The following FBXL17 variants were observed in gnomAD, a reference collection of about 807,000 sequenced individuals.
The protein encoded by FBXL17 is F-box and leucine rich repeat protein 17.
FBXL17 carries 22 observed loss-of-function variants against 66.2 expected under a neutral mutation model. The ratio of observed to expected loss-of-function variants is 0.33; its 90% CI spans 0.24 to 0.47. The LOEUF (loss-of-function observed/expected upper bound fraction) is 0.47. Ranked by LOEUF, FBXL17 falls within the 20% of genes least tolerant of loss-of-function variation. The probability of loss-of-function intolerance (pLI) is 1.00; values close to 1 mark genes in which losing one functional copy is unlikely to be tolerated. For synonymous variants in FBXL17, 474 were observed against 400.5 expected (o/e 1.18, Z -2.19); for missense variants, 878 against 948.2 (o/e 0.93, Z 0.97).
chr5:108,359,345 G>A (rs995857538), intron 3 of FBXL17, among the ~76,000 whole-genome samples: 11 of 151,870 alleles, frequency 7.2e-5, no homozygotes, highest in South Asian at 2.1e-4. Flanking sequence ...TTCCCTCCAC[G>A]AACTTTGGGT....
intron 4 of FBXL17, among the ~76,000 whole-genome samples, chr5:108,241,178 G>C (rs1390756031): frequency 6.6e-6 from 1 of 152,212 alleles, no homozygotes; most frequent in African/African-American, 2.4e-5. Flanking sequence ...ATCAATCCTT[G>C]TGAGACAGAG....
intron 3 of FBXL17, among the ~76,000 whole-genome samples, chr5:108,353,415 G>A (rs1323801106): frequency 6.6e-6 from 1 of 152,108 alleles, no homozygotes; most frequent in African/African-American, 2.4e-5. Context: ...AAAATTCCAG[G>A]GGGACCAGGT....
chr5:108,318,132 G>GA (rs1296208361), intron 4 of FBXL17, among the ~76,000 whole-genome samples: 2 of 151,274 alleles, frequency 1.3e-5, no homozygotes, highest in East Asian at 1.9e-4. Flanking sequence ...TATAAAAGGA[G>GA]AAAAAAACCC....
intron 6 of FBXL17, among the ~76,000 whole-genome samples, chr5:108,066,524 CTA>C (rs1383040031): frequency 6.6e-6 from 1 of 151,842 alleles, no homozygotes; most frequent in African/African-American, 2.4e-5. Flanking sequence ...AACTATAACA[CTA>C]TCTCTTTTAT....
chr5:108,376,410 T>C (rs1325152435), intron 1 of FBXL17, among the ~76,000 whole-genome samples: 1 of 152,222 alleles, frequency 6.6e-6, no homozygotes, highest in East Asian at 1.9e-4. Flanking sequence ...ATTTTAGAGC[T>C]AATAAGCAAA....
intron 5 of FBXL17, among the ~76,000 whole-genome samples, chr5:108,190,741 A>C (rs1753438560): frequency 6.6e-6 from 1 of 152,172 alleles, no homozygotes; most frequent in South Asian, 2.1e-4. Flanking sequence ...AAATTTGATA[A>C]TCCTCATATT....
At chr5:108,052,137 A>T (rs1347505442) in intron 6 of FBXL17, among the ~76,000 whole-genome samples, 5 of 148,664 alleles carry the variant, frequency 3.4e-5, no homozygotes, top group Admixed American at 6.8e-5. Flanking sequence ...AAAAAAAAGA[A>T]AAAAGAAAAA....
chr5:107,994,318 T>C (rs1753379294), intron 7 of FBXL17, among the ~76,000 whole-genome samples: 1 of 152,078 alleles, frequency 6.6e-6, no homozygotes, highest in South Asian at 2.1e-4. Context: ...TTACCATTGA[T>C]AACATGTTTT....
chr5:107,992,249 T>A (rs1412802232), intron 7 of FBXL17, among the ~76,000 whole-genome samples: 2 of 152,068 alleles, frequency 1.3e-5, no homozygotes, highest in Non-Finnish European at 2.9e-5. Context: ...ATAGATTGAG[T>A]CAAATTAGGA....
chr5:108,005,049 C>T (rs1009058762), intron 7 of FBXL17, among the ~76,000 whole-genome samples: 2 of 150,462 alleles, frequency 1.3e-5, no homozygotes, highest in South Asian at 4.2e-4. Flanking sequence ...CCAGTGTTCC[C>T]AATAGTAGCA....
At position 108,211,235 on chromosome 5, in the gene FBXL17, G is replaced by T. The variant is rs181858447; in HGVS notation, c.1614+12886C>A. On this transcript the variant is annotated intron_variant, in intron 5 of 8. Transcript: ENST00000542267. ...TATGTGTGTCTTTGCACGTGAGATGGGTCTCCTGAATACAGCACACTGATG... is the reference window on the plus strand; with the variant it reads ...TATGTGTGTCTTTGCACGTGAGATGTGTCTCCTGAATACAGCACACTGATG... Among the ~76,000 whole-genome samples, 468 of 152,160 alleles carry T rather than the reference G, an allele frequency of 3.1e-3. 3 individuals are homozygous for T. Among genetic ancestry groups the T allele is most frequent in the Middle Eastern group, 0.01 (3 of 294 alleles).
chr5:108,037,159 C>A (rs567576292), intron 6 of FBXL17, among the ~76,000 whole-genome samples: 1 of 152,066 alleles, frequency 6.6e-6, no homozygotes, highest in Non-Finnish European at 1.5e-5. Flanking sequence ...ATTGAGAAGA[C>A]ACCATGATAT....
At chr5:108,099,239 T>C (rs1479004529) in intron 6 of FBXL17, among the ~76,000 whole-genome samples, 1 of 152,110 alleles carries the variant, frequency 6.6e-6, no homozygotes, top group Non-Finnish European at 1.5e-5. Flanking sequence ...AAAGAAAAAG[T>C]ATAAAATAGC....
intron 4 of FBXL17, among the ~76,000 whole-genome samples, chr5:108,344,702 C>T (rs1747136614): frequency 6.6e-6 from 1 of 152,064 alleles, no homozygotes; most frequent in Non-Finnish European, 1.5e-5. Context: ...GTTCTCTGTC[C>T]AAAAAGTAGA....
chr5:108,155,973 G>A (rs1324266550), intron 6 of FBXL17, among the ~76,000 whole-genome samples: 1 of 151,918 alleles, frequency 6.6e-6, no homozygotes, highest in East Asian at 1.9e-4. Context: ...AAATAAAAAG[G>A]CTACCTTTTG....
intron 4 of FBXL17, among the ~76,000 whole-genome samples, chr5:108,293,111 A>C (rs13172531): frequency 4.0e-5 from 6 of 151,386 alleles, no homozygotes; most frequent in African/African-American, 1.2e-4. Context: ...AAAAAAAAAA[A>C]CAAAAAAAAA....
chr5:108,303,891 A>T (rs1758715288), intron 4 of FBXL17, among the ~76,000 whole-genome samples: 1 of 151,956 alleles, frequency 6.6e-6, no homozygotes, highest in Non-Finnish European at 1.5e-5. Flanking sequence ...GTGAAAAAAA[A>T]TTCAATAGAT....
intron 7 of FBXL17, among the ~76,000 whole-genome samples, chr5:107,932,315 T>A (rs1442465569): frequency 6.6e-6 from 1 of 152,208 alleles, no homozygotes; most frequent in South Asian, 2.1e-4. Flanking sequence ...TTAGTAGTAC[T>A]CTTAATTAAT....
chr5:108,041,511 G>A (rs1215402776), intron 6 of FBXL17, among the ~76,000 whole-genome samples: 3 of 152,042 alleles, frequency 2.0e-5, no homozygotes. Context: ...TGAAATCCTG[G>A]GCTCAAGTGA....
Sources: allele counts gnomAD v4.1 joint callset (sites outside exome capture counted in the v4.1 genomes callset), GRCh38; gene constraint gnomAD v4.1.1; transcripts MANE v1.5; gene names NCBI Gene and HGNC (gene_info 2026-07-23, HGNC 2026-07-21).